Variants in PEAK1 observed in about 807,000 individuals in gnomAD.
PEAK1 encodes inactive tyrosine-protein kinase PEAK1.
PEAK1 carries 54 observed loss-of-function variants against 124.7 expected under a neutral mutation model. That is an observed-to-expected ratio of 0.43 (90% CI 0.35 to 0.54). The LOEUF (loss-of-function observed/expected upper bound fraction) is 0.54. Ranked by LOEUF, PEAK1 falls within the 20% of genes least tolerant of loss-of-function variation. The pLI, the probability that PEAK1 is intolerant of heterozygous loss-of-function variation, is 0.01. For missense variants in PEAK1, 2,046 were observed against 2,134.5 expected (o/e 0.96, Z 0.82); for synonymous variants, 719 against 760.0 (o/e 0.95, Z 0.89).
chr15:77,115,858 G>A (rs2051322341), intron 9 of PEAK1, among the ~76,000 whole-genome samples: 2 of 152,218 alleles, frequency 1.3e-5, no homozygotes, highest in African/African-American at 2.4e-5. Flanking sequence ...GGTAAACTGT[G>A]GGTTTTCCTA....
chr15:77,323,795 T>TA (rs1012948490), intron 2 of PEAK1, among the ~76,000 whole-genome samples: 3 of 152,238 alleles, frequency 2.0e-5, no homozygotes, highest in African/African-American at 7.2e-5. Context: ...TTAAAGTTCA[T>TA]ATGGAACCAA....
intron 7 of PEAK1, among the ~76,000 whole-genome samples, chr15:77,166,256 G>A (rs182208158): frequency 3.9e-5 from 6 of 152,238 alleles, no homozygotes; most frequent in African/African-American, 9.6e-5. Flanking sequence ...TACATTTACC[G>A]AATGCTAGGC....
At chr15:77,322,149 T>G (rs529460526) in intron 2 of PEAK1, among the ~76,000 whole-genome samples, 139 of 152,300 alleles carry the variant, frequency 9.1e-4, no homozygotes, top group African/African-American at 3.2e-3. Context: ...GGGAAATTTA[T>G]GGCATTAATG....
intron 1 of PEAK1, chr15:77,418,967 C>CT (rs1312751331): frequency 1.0e-6 from 1 of 985,178 alleles, no homozygotes; most frequent in African/African-American, 1.7e-5. Context: ...ATGTAAGTCT[C>CT]TAAGTATTTA....
intron 6 of PEAK1, among the ~76,000 whole-genome samples, chr15:77,201,565 T>C (rs990899198): frequency 2.6e-5 from 4 of 152,096 alleles, no homozygotes; most frequent in Non-Finnish European, 5.9e-5. Flanking sequence ...ATGCCACTGT[T>C]TTCCTATTTC....
At chr15:77,105,757 C>T (rs1165633896), downstream of PEAK1, 1 of 152,330 alleles carries the variant, frequency 6.6e-6, no homozygotes, top group Non-Finnish European at 1.5e-5. Flanking sequence ...CCAATTCACT[C>T]CGGGCAGGAA....
chr15:77,347,187 C>T (rs1021324689), intron 2 of PEAK1: 63 of 970,260 alleles, frequency 6.5e-5, no homozygotes, highest in South Asian at 1.9e-4. Context: ...ACGTTAACAA[C>T]GGCAGAAGAT....
intron 6 of PEAK1, among the ~76,000 whole-genome samples, chr15:77,214,478 G>A (rs867849645): frequency 1.3e-5 from 2 of 151,110 alleles, no homozygotes; most frequent in Middle Eastern, 3.4e-3. Context: ...AAAAAAATTA[G>A]CCGGGCATGG....
intron 6 of PEAK1, among the ~76,000 whole-genome samples, chr15:77,183,003 A>G (rs2057364061): frequency 1.3e-5 from 2 of 151,830 alleles, no homozygotes; most frequent in African/African-American, 4.8e-5. Context: ...AAACTATAAA[A>G]CACTGATAGA....
chr15:77,402,425 C>G (rs1315806838), intron 1 of PEAK1: 1 of 985,014 alleles, frequency 1.0e-6, no homozygotes, highest in East Asian at 1.1e-4. Flanking sequence ...TTTATTTAGC[C>G]AAATGGTCTT....
At chr15:77,348,119 G>A (rs538910947) in intron 2 of PEAK1, 1 of 984,426 alleles carries the variant, frequency 1.0e-6, no homozygotes, top group East Asian at 1.1e-4. Context: ...AAACAACAAT[G>A]GAGATCAAAA....
At chr15:77,323,916 G>T (rs114066361) in intron 2 of PEAK1, among the ~76,000 whole-genome samples, 2 of 152,208 alleles carry the variant, frequency 1.3e-5, no homozygotes, top group Admixed American at 6.5e-5. Flanking sequence ...AAACAATATG[G>T]TACTGGTACC....
intron 2 of PEAK1, chr15:77,349,165 G>A (rs973800116): frequency 1.1e-4 from 46 of 414,702 alleles, no homozygotes; most frequent in African/African-American, 9.4e-4. Context: ...TCAGCCTCCC[G>A]AGTAGCTGGG....
At chr15:77,215,653 G>T in intron 6 of PEAK1, among the ~76,000 whole-genome samples, 1 of 152,322 alleles carries the variant, frequency 6.6e-6, no homozygotes. Flanking sequence ...TTGGTTGGTT[G>T]AATCTACAGA....
At chr15:77,271,772 G>A (rs995202454) in intron 5 of PEAK1, among the ~76,000 whole-genome samples, 6 of 152,120 alleles carry the variant, frequency 3.9e-5, no homozygotes, top group East Asian at 3.8e-4. Context: ...CACACACTGC[G>A]GCCTGTTGTG....
intron 6 of PEAK1, among the ~76,000 whole-genome samples, chr15:77,215,397 T>C (rs796288619): frequency 2.4e-4 from 37 of 152,324 alleles, no homozygotes; most frequent in African/African-American, 8.4e-4. Flanking sequence ...TATCCCTCAG[T>C]GTCTCTGGGT....
intron 2 of PEAK1, among the ~76,000 whole-genome samples, chr15:77,351,472 G>A (rs1324879278): frequency 6.6e-6 from 1 of 152,158 alleles, no homozygotes; most frequent in Non-Finnish European, 1.5e-5. Context: ...CCTCTCCATA[G>A]GGTATATGCC....
At chr15:77,334,607 A>C in intron 2 of PEAK1, 1 of 985,306 alleles carries the variant, frequency 1.0e-6, no homozygotes, top group Non-Finnish European at 1.2e-6. Context: ...AAATGCCTAC[A>C]ATTACGAAAA....
At chr15:77,322,559 C>G (rs1318572917) in intron 2 of PEAK1, among the ~76,000 whole-genome samples, 3 of 152,186 alleles carry the variant, frequency 2.0e-5, no homozygotes, top group African/African-American at 7.2e-5. Flanking sequence ...AACTCTTACA[C>G]CCTCCCAAGA....
Sources: allele counts gnomAD v4.1 joint callset (sites outside exome capture counted in the v4.1 genomes callset), GRCh38; gene constraint gnomAD v4.1.1; transcripts MANE v1.5; gene names NCBI Gene and HGNC (gene_info 2026-07-23, HGNC 2026-07-21).